The following ZNF208 variants were observed in gnomAD, a reference collection of about 807,000 sequenced individuals.
ZNF208 encodes the protein zinc finger protein 208, also known as zinc finger protein 95.
A neutral mutation model predicts 12.1 loss-of-function variants in ZNF208; 10 were observed. That is an observed-to-expected ratio of 0.83 (90% CI 0.51 to 1.40). The LOEUF (loss-of-function observed/expected upper bound fraction) is 1.40, where lower values mean the gene tolerates loss of function less well. Ranked by LOEUF, ZNF208 falls within the 40% of genes most tolerant of loss-of-function variation. The probability of loss-of-function intolerance (pLI) is 0.00; values close to 1 mark genes in which losing one functional copy is unlikely to be tolerated. For missense variants in ZNF208, 1,652 were observed against 1,485.0 expected (o/e 1.11, Z -1.85); for synonymous variants, 497 against 488.4 (o/e 1.02, Z -0.23).
At chr19:21,987,922 A>T (rs1199499139) in intron 2 of ZNF208, among the ~76,000 whole-genome samples, 1 of 151,904 alleles carries the variant, frequency 6.6e-6, no homozygotes, top group Non-Finnish European at 1.5e-5. Flanking sequence ...GTCCCCTGGC[A>T]CCCCACCCTT....
At chr19:21,975,600 T>A (rs1987974) in intron 3 of ZNF208, among the ~76,000 whole-genome samples, 89,786 of 151,684 alleles carry the variant, frequency 0.59, 26,900 homozygotes, top group East Asian at 0.69. Flanking sequence ...ATCTATACAA[T>A]ATAGGGCAAT....
At chr19:21,992,981 T>C (rs1283317786) in intron 1 of ZNF208, among the ~76,000 whole-genome samples, 1 of 152,168 alleles carries the variant, frequency 6.6e-6, no homozygotes, top group African/African-American at 2.4e-5. Context: ...TCTAGGATTC[T>C]TTCTCAAATA....
rs1212231075 is a variant in ZNF208 at position 21,969,865 on chromosome 19, C to CTA, written c.*1325_*1326insTA. 1.3e-5 allele frequency among the ~76,000 whole-genome samples: 2 copies of CTA among 152,126 alleles called. No homozygotes were observed. The highest frequency in any genetic ancestry group is 4.8e-5 in the African/African-American group (2 of 41,438). On this transcript the variant is annotated 3_prime_UTR_variant, in exon 4 of 4. Transcript: ENST00000397126. ...AATACTTTTATTTAGTATGAACTCTCTGATGTTTAATAAGCTGTGAGAAGA... is the reference window on the plus strand; with the variant it reads ...AATACTTTTATTTAGTATGAACTCTCTATGATGTTTAATAAGCTGTGAGAAGA...
At position 21,972,173 on chromosome 19, in the gene ZNF208, T is replaced by C. The variant is rs200173286; in HGVS notation, c.2861A>G (p.Tyr954Cys). 369 of 1,609,776 alleles carry C rather than the reference T, an allele frequency of 2.3e-4. 3 individuals carry two copies. The highest frequency in any genetic ancestry group is 1.1e-3 in the South Asian group (96 of 90,822). The change falls in exon 4 of 4, where the codon TAT becomes TGT. Residue 954 changes from tyrosine (Y) to cysteine (C), a missense_variant. Physicochemically the swap from Tyr to Cys is radical, Grantham distance 194. Transcript: ENST00000397126. ...ATAACTAAGGGTTGAGGATGACTTA[T>C]AGGCTTTGCCACATGCTTCACATTT... The part of the protein sequence containing the change: ...FYKCEACGKA[Y>C]KSSSTLSYHK...
intron 1 of ZNF208, among the ~76,000 whole-genome samples, chr19:21,990,140 A>G (rs1030941465): frequency 2.0e-5 from 3 of 152,076 alleles, no homozygotes; most frequent in Non-Finnish European, 2.9e-5. Flanking sequence ...TTGGTGTTTT[A>G]GACATGAAGT....
chr19:21,988,019 CAAT>C (rs1470575599), intron 2 of ZNF208, among the ~76,000 whole-genome samples: 2 of 152,084 alleles, frequency 1.3e-5, no homozygotes, highest in Non-Finnish European at 2.9e-5. Flanking sequence ...TGGTCCCCAA[CAAT>C]AACAGAAATT....
intron 3 of ZNF208, among the ~76,000 whole-genome samples, chr19:21,975,015 T>G (rs540456679): frequency 6.6e-6 from 1 of 152,310 alleles, no homozygotes; most frequent in South Asian, 2.1e-4. Context: ...GAGTTAAGTG[T>G]GTGCAGTGCC....
At chr19:22,000,674 C>T (rs1970928349) in intron 1 of ZNF208, among the ~76,000 whole-genome samples, 1 of 151,840 alleles carries the variant, frequency 6.6e-6, no homozygotes, top group Admixed American at 6.6e-5. Context: ...GCAAATCAGC[C>T]CCTAAGCTAG....
At chr19:21,975,057 A>G (rs1169760812) in intron 3 of ZNF208, among the ~76,000 whole-genome samples, 1 of 152,190 alleles carries the variant, frequency 6.6e-6, no homozygotes, top group East Asian at 1.9e-4. Flanking sequence ...TCACACAGAA[A>G]AAAAGAAAAG....
At chr19:22,004,155 G>C (rs1331679530) in intron 1 of ZNF208, among the ~76,000 whole-genome samples, 1 of 149,604 alleles carries the variant, frequency 6.7e-6, no homozygotes, top group East Asian at 2.0e-4. Flanking sequence ...CTCCAGCCTG[G>C]GAAAAAGGTG....
At chr19:22,007,902 G>C (rs1409234046) in intron 1 of ZNF208, among the ~76,000 whole-genome samples, 1 of 151,510 alleles carries the variant, frequency 6.6e-6, no homozygotes, top group Non-Finnish European at 1.5e-5. Flanking sequence ...TACTTGGGAG[G>C]CTGAGGCATA....
At chr19:21,953,008 A>T (rs1265871133) in intron 4 of ZNF208, among the ~76,000 whole-genome samples, 1 of 152,214 alleles carries the variant, frequency 6.6e-6, no homozygotes, top group Non-Finnish European at 1.5e-5. Context: ...TGGCATGAGA[A>T]CACGATGCAT....
downstream of ZNF208, among the ~76,000 whole-genome samples, chr19:21,961,736 C>G (rs1266177406): frequency 6.6e-6 from 1 of 152,062 alleles, no homozygotes; most frequent in Non-Finnish European, 1.5e-5. Context: ...GAAAAGAATT[C>G]AGTGATATCT....
chr19:22,003,919 C>G (rs1374922368), intron 1 of ZNF208, among the ~76,000 whole-genome samples: 1 of 151,942 alleles, frequency 6.6e-6, no homozygotes, highest in Non-Finnish European at 1.5e-5. Flanking sequence ...GTCTGTAATC[C>G]AGCACTTCGG....
chr19:22,008,415 CT>C (rs1281356071), intron 1 of ZNF208, among the ~76,000 whole-genome samples: 1 of 151,858 alleles, frequency 6.6e-6, no homozygotes, highest in Non-Finnish European at 1.5e-5. Context: ...CATCCAATTA[CT>C]TGAGAGATTC....
intron 3 of ZNF208, among the ~76,000 whole-genome samples, chr19:21,976,418 CAAAG>C (rs1220065184): frequency 2.0e-5 from 3 of 151,822 alleles, no homozygotes; most frequent in African/African-American, 7.3e-5. Context: ...CAGACAGAAA[CAAAG>C]GAAGACAGAA....
chr19:21,977,015 C>A (rs1432389495), intron 3 of ZNF208, among the ~76,000 whole-genome samples: 1 of 152,204 alleles, frequency 6.6e-6, no homozygotes, highest in Non-Finnish European at 1.5e-5. Flanking sequence ...TAATATTACA[C>A]AAGCTAAATC....
intron 1 of ZNF208, among the ~76,000 whole-genome samples, chr19:22,000,101 C>A (rs1225705491): frequency 6.6e-6 from 1 of 152,200 alleles, no homozygotes; most frequent in African/African-American, 2.4e-5. Flanking sequence ...CAGAATCTGA[C>A]ACAGTAATAA....
downstream of ZNF208, chr19:21,965,558 C>G (rs140993919): frequency 6.6e-6 from 1 of 151,948 alleles, no homozygotes; most frequent in African/African-American, 2.4e-5. Context: ...ACTGCAATAG[C>G]GTAAGAAAAG....
Sources: gnomAD v4.1 joint callset for allele counts (sites outside exome capture counted in the v4.1 genomes callset) on GRCh38, gnomAD v4.1.1 for gene constraint, MANE v1.5 for transcripts, NCBI Gene and HGNC (gene_info 2026-07-23, HGNC 2026-07-21) for gene names.